The following ROBO1 variants were observed in gnomAD, a reference collection of about 807,000 sequenced individuals.
ROBO1 encodes roundabout homolog 1.
In ROBO1, 149 loss-of-function variants were observed where a neutral mutation model predicts 195.9. That is an observed-to-expected ratio of 0.76 (90% CI 0.67 to 0.87). The LOEUF (loss-of-function observed/expected upper bound fraction) is 0.87, where lower values mean the gene tolerates loss of function less well. Ranked by LOEUF, ROBO1 falls within the 40% of genes least tolerant of loss-of-function variation. The pLI is 0.00. For missense variants in ROBO1, 1,933 were observed against 2,068.3 expected (o/e 0.93, Z 1.27); for synonymous variants, 816 against 733.2 (o/e 1.11, Z -1.82).
intron 2 of ROBO1, among the ~76,000 whole-genome samples, chr3:79,571,680 A>G (rs1375161665): frequency 6.6e-6 from 1 of 152,110 alleles, no homozygotes; most frequent in Non-Finnish European, 1.5e-5. Context: ...ATGTGTTTTG[A>G]TTCAGTGTAA....
At chr3:78,857,252 A>G (rs1419200076) in intron 4 of ROBO1, among the ~76,000 whole-genome samples, 6 of 152,224 alleles carry the variant, frequency 3.9e-5, no homozygotes, top group African/African-American at 1.4e-4. Context: ...GTAGCCTCAT[A>G]GGCAAGTTTC....
chr3:79,104,195 C>A (rs770590481), intron 3 of ROBO1, among the ~76,000 whole-genome samples: 2 of 151,696 alleles, frequency 1.3e-5, no homozygotes, highest in Non-Finnish European at 1.5e-5. Flanking sequence ...TTGTGGAATT[C>A]TTTTAGTATT....
intron 2 of ROBO1, among the ~76,000 whole-genome samples, chr3:79,292,983 T>A (rs1433627131): frequency 6.6e-6 from 1 of 152,174 alleles, no homozygotes; most frequent in Non-Finnish European, 1.5e-5. Flanking sequence ...CTGGTAGAAT[T>A]TGGCTGTGAA....
At chr3:79,545,935 G>A (rs1449288574) in intron 2 of ROBO1, among the ~76,000 whole-genome samples, 1 of 152,060 alleles carries the variant, frequency 6.6e-6, no homozygotes, top group South Asian at 2.1e-4. Context: ...AATTGCATGG[G>A]TCCACTTATT....
At chr3:79,385,455 T>A (rs1267889450) in intron 2 of ROBO1, among the ~76,000 whole-genome samples, 1 of 152,054 alleles carries the variant, frequency 6.6e-6, no homozygotes, top group East Asian at 1.9e-4. Context: ...TAAAAATAAC[T>A]CAGTATCATC....
chr3:78,845,098 G>A (rs2033563681), intron 4 of ROBO1, among the ~76,000 whole-genome samples: 1 of 152,060 alleles, frequency 6.6e-6, no homozygotes, highest in African/African-American at 2.4e-5. Flanking sequence ...GTCTTTGAGT[G>A]TGCATGTATC....
chr3:79,540,904 A>G (rs1161727050), intron 2 of ROBO1, among the ~76,000 whole-genome samples: 1 of 152,146 alleles, frequency 6.6e-6, no homozygotes, highest in Admixed American at 6.6e-5. Flanking sequence ...AGCAAATACT[A>G]CCACAAGTAT....
chr3:79,386,298 TG>T (rs1189433706), intron 2 of ROBO1, among the ~76,000 whole-genome samples: 2 of 152,170 alleles, frequency 1.3e-5, no homozygotes, highest in Non-Finnish European at 2.9e-5. Context: ...TTTTTATTTT[TG>T]TACAAACTCA....
intron 1 of ROBO1, among the ~76,000 whole-genome samples, chr3:79,763,105 A>C (rs544801697): frequency 6.6e-6 from 1 of 152,290 alleles, no homozygotes; most frequent in East Asian, 1.9e-4. Flanking sequence ...CTTGTGATGC[A>C]TTTCTAGGTG....
At chr3:79,647,018 C>A (rs1440180780) in intron 1 of ROBO1, among the ~76,000 whole-genome samples, 1 of 151,814 alleles carries the variant, frequency 6.6e-6, no homozygotes, top group Non-Finnish European at 1.5e-5. Context: ...CTATAGGTTA[C>A]AATCATCTAG....
intron 2 of ROBO1, among the ~76,000 whole-genome samples, chr3:79,381,930 C>A (rs1045334263): frequency 6.6e-6 from 1 of 152,196 alleles, no homozygotes; most frequent in South Asian, 2.1e-4. Flanking sequence ...CCCTATATCC[C>A]TACAACCGTA....
chr3:79,080,119 G>T (rs756576985), intron 3 of ROBO1, among the ~76,000 whole-genome samples: 1 of 151,460 alleles, frequency 6.6e-6, no homozygotes, highest in Non-Finnish European at 1.5e-5. Context: ...CTAAGTACAT[G>T]TTTAAAAATG....
At chr3:79,414,168 CATT>C (rs993058907) in intron 2 of ROBO1, among the ~76,000 whole-genome samples, 5 of 151,748 alleles carry the variant, frequency 3.3e-5, no homozygotes, top group African/African-American at 9.7e-5. Flanking sequence ...GAACTTCACA[CATT>C]ATATTAACAG....
rs577589815 is a variant in ROBO1, at chr3:79,470,370, T to C, written c.88+119454A>G. On this transcript the variant is annotated intron_variant, in intron 2 of 30. Transcript: ENST00000464233. The stretch of plus-strand genomic sequence containing the variant: ...GTGGGAATTGAACAATGAGAACACC[T>C]GGACACAGGAAAGGGAACATCACAT... Among the ~76,000 whole-genome samples, 19 of 152,186 alleles carry C rather than the reference T, an allele frequency of 1.2e-4. No homozygotes were observed. In the East Asian group the frequency reaches 3.5e-3, roughly 28 times the overall value.
intron 2 of ROBO1, among the ~76,000 whole-genome samples, chr3:79,482,038 T>C (rs1193991672): frequency 2.0e-5 from 3 of 152,190 alleles, no homozygotes. Flanking sequence ...AATTTCAATT[T>C]ATAAATAGTT....
At chr3:78,811,576 T>C (rs1196358910) in intron 4 of ROBO1, among the ~76,000 whole-genome samples, 1 of 152,142 alleles carries the variant, frequency 6.6e-6, no homozygotes, top group Non-Finnish European at 1.5e-5. Context: ...TGTTTTCGTT[T>C]GATGAGCACC....
chr3:79,290,750 A>C (rs150385434), intron 2 of ROBO1, among the ~76,000 whole-genome samples: 39 of 152,268 alleles, frequency 2.6e-4, no homozygotes, highest in African/African-American at 8.7e-4. Context: ...ACTATGGTCC[A>C]CATTCTTTTT....
chr3:79,752,610 C>A (rs1477540561), intron 1 of ROBO1, among the ~76,000 whole-genome samples: 2 of 152,038 alleles, frequency 1.3e-5, no homozygotes, highest in African/African-American at 2.4e-5. Context: ...CTCTATTCTG[C>A]AGGCAGTAAA....
intron 2 of ROBO1, among the ~76,000 whole-genome samples, chr3:79,153,689 T>C (rs2080810770): frequency 3.4e-5 from 5 of 148,804 alleles, no homozygotes; most frequent in Admixed American, 2.7e-4. Flanking sequence ...CTGTGATTTA[T>C]TTCTATAGCT....
Sources: allele counts gnomAD v4.1 joint callset (sites outside exome capture counted in the v4.1 genomes callset), GRCh38; gene constraint gnomAD v4.1.1; transcripts MANE v1.5; gene names NCBI Gene and HGNC (gene_info 2026-07-23, HGNC 2026-07-21).